The following NRP1 variants were observed in gnomAD, a reference collection of about 807,000 sequenced individuals.
NRP1 encodes the protein neuropilin-1.
Under a neutral mutation model 106.7 loss-of-function variants are expected in NRP1, and 35 were observed. The ratio of observed to expected loss-of-function variants is 0.33; its 90% CI spans 0.25 to 0.43. NRP1 has a LOEUF of 0.43. NRP1 is among the 20% of genes least tolerant of loss of function. The pLI is 1.00. For synonymous variants in NRP1, 437 were observed against 417.9 expected (o/e 1.05, Z -0.56); for missense variants, 1,024 against 1,170.4 (o/e 0.87, Z 1.83).
chr10:33,318,764 G>GT (rs1362447814), intron 2 of NRP1, among the ~76,000 whole-genome samples: 26 of 144,184 alleles, frequency 1.8e-4, no homozygotes, highest in African/African-American at 5.5e-4. Context: ...AGTTATCGTG[G>GT]TTTTGGTGGC....
intron 11 of NRP1, chr10:33,202,346 T>G: frequency 3.8e-6 from 1 of 266,358 alleles, no homozygotes; most frequent in Non-Finnish European, 7.2e-6. Context: ...TCTGATGCAT[T>G]TGCTGGTCGG....
Position 33,178,920 on chromosome 10 carries a change from T to C in NRP1, c.*1156A>G, listed in dbSNP as rs1206498137. The C allele has an allele frequency of 6.6e-6, 1 of 152,654 alleles. No individual in the cohort carries two copies. The highest frequency in any genetic ancestry group is 1.5e-5 in the Non-Finnish European group (1 of 68,044). 9.5% of individuals were successfully genotyped at this position (152,654 alleles called of 1,614,324 possible). On this transcript the variant is annotated 3_prime_UTR_variant, in exon 17 of 17. Coordinates refer to ENST00000374867, the MANE Select transcript of NRP1 (RefSeq NM_003873.7). ...TTTTTAAACATAAAGTCTAGTAAAATCGTTTGCCATTCCCAGCAGGTTAAA... is the reference window on the plus strand; with the variant it reads ...TTTTTAAACATAAAGTCTAGTAAAACCGTTTGCCATTCCCAGCAGGTTAAA...
At chr10:33,180,460 A>G in intron 16 of NRP1, 95 bp from the exon 17 acceptor site, 3 of 1,260,366 alleles carry the variant, frequency 2.4e-6, no homozygotes, top group South Asian at 3.0e-5. Flanking sequence ...GGAGCAAATC[A>G]CACACCCCAG....
chr10:33,212,820 G>A (rs191186932), intron 9 of NRP1: 41 of 166,210 alleles, frequency 2.5e-4, no homozygotes, highest in Non-Finnish European at 4.0e-4. Flanking sequence ...ACAGGCACAC[G>A]CTGCCACACC....
At chr10:33,329,572 G>C (rs184869997) in intron 2 of NRP1, among the ~76,000 whole-genome samples, 43 of 152,332 alleles carry the variant, frequency 2.8e-4, no homozygotes, top group African/African-American at 9.9e-4. Flanking sequence ...AGCGGTAGCA[G>C]TAGTCTGTAG....
chr10:33,272,466 A>C (rs759065767), intron 2 of NRP1, among the ~76,000 whole-genome samples: 5 of 152,136 alleles, frequency 3.3e-5, no homozygotes, highest in Non-Finnish European at 5.9e-5. Context: ...AATGCTTTGC[A>C]TGTTAAAAGA....
At chr10:33,302,084 T>TATAATAAAATATATA (rs1845841916) in intron 2 of NRP1, among the ~76,000 whole-genome samples, 1 of 152,102 alleles carries the variant, frequency 6.6e-6, no homozygotes, top group African/African-American at 2.4e-5. Context: ...AGAGTCTCTG[T>TATAATAAAATATATA]ATAATAAAAA....
chr10:33,197,596 G>T (rs757616580), intron 12 of NRP1, 54 bp downstream of exon 12: 2 of 1,417,442 alleles, frequency 1.4e-6, no homozygotes, highest in Non-Finnish European at 2.0e-6. Context: ...GAGCGCAGCC[G>T]CGGAGAGAAG....
rs1264457405 is a variant in NRP1 at position 33,207,703 on chromosome 10, T to C, written c.1628A>G (p.Asn543Ser). ...CAGCTCAGGTGTATCATAGTTGTTGTTGCCCTCAAAAGACTGTGAAGCATG... is the reference window on the plus strand; with the variant it reads ...CAGCTCAGGTGTATCATAGTTGTTGCTGCCCTCAAAAGACTGTGAAGCATG... ...SKRKAKSFEG[N>S]NNYDTPELRT... The change falls in exon 10 of 17, where the codon AAC (asparagine) becomes AGC (serine). Residue 543 changes from asparagine (N) to serine (S), a missense_variant. Asn to Ser is a conservative substitution (Grantham distance 46). Coordinates refer to ENST00000374867, the MANE Select transcript of NRP1 (RefSeq NM_003873.7). The C allele has an allele frequency of 6.2e-7, 1 of 1,613,948 alleles. No individual in the cohort carries two copies. Among genetic ancestry groups the C allele is most frequent in the Non-Finnish European group, 8.5e-7 (1 of 1,179,962 alleles).
intron 2 of NRP1, 61 bp downstream of exon 2, chr10:33,330,647 G>C: frequency 6.9e-7 from 1 of 1,440,854 alleles, no homozygotes; most frequent in East Asian, 2.4e-5. Flanking sequence ...CTTCCCCCCC[G>C]TAGACAGGCG....
In NRP1 at chr10:33,254,041, C is replaced by A. The variant is rs1427093763; in HGVS notation, c.968G>T (p.Arg323Leu). 2 of 1,609,820 alleles carry A rather than the reference C, an allele frequency of 1.2e-6. No homozygotes were observed. Among genetic ancestry groups the A allele is most frequent in the African/African-American group, 1.3e-5 (1 of 74,760 alleles). Residue 323 changes from arginine (R) to leucine (L), a missense_variant, in exon 6 of 17, where the codon CGA becomes CTA. Coordinates refer to ENST00000374867, the MANE Select transcript of NRP1 (RefSeq NM_003873.7). ...TATGCTGCATACCTGTATCCACTCTCGGTAGGAATCCTCTCCGGGAGTCCA... is the reference window on the plus strand; with the variant it reads ...TATGCTGCATACCTGTATCCACTCTAGGTAGGAATCCTCTCCGGGAGTCCA... Reference protein sequence around the residue: ...NGWTPGEDSYREWIQVDLGLL... With the variant: ...NGWTPGEDSYLEWIQVDLGLL...
chr10:33,305,764 T>A (rs570844757), intron 2 of NRP1, among the ~76,000 whole-genome samples: 1 of 151,560 alleles, frequency 6.6e-6, no homozygotes, highest in East Asian at 1.9e-4. Context: ...AAAAAAAATC[T>A]GTTCTTTTTT....
At chr10:33,187,910 A>G (rs1363012394) in intron 13 of NRP1, among the ~76,000 whole-genome samples, 1 of 152,148 alleles carries the variant, frequency 6.6e-6, no homozygotes, top group Non-Finnish European at 1.5e-5. Context: ...TGCTTATGTG[A>G]GAGCCCGCCC....
intron 2 of NRP1, among the ~76,000 whole-genome samples, chr10:33,276,331 C>T (rs1451671665): frequency 6.6e-6 from 1 of 151,820 alleles, no homozygotes; most frequent in African/African-American, 2.4e-5. Flanking sequence ...TTTTTTCTTC[C>T]CCCACCCACT....
At chr10:33,274,240 C>T (rs1006047867) in intron 2 of NRP1, among the ~76,000 whole-genome samples, 97 of 152,258 alleles carry the variant, frequency 6.4e-4, no homozygotes, top group African/African-American at 2.2e-3. Flanking sequence ...GCTTTAGAAT[C>T]CACGCTCCTC....
At position 33,177,632 on chromosome 10, in the gene NRP1, AG is replaced by A. The variant is rs1384325998; in HGVS notation, c.*2443del. 6.6e-6 allele frequency: 1 copy of A among 152,662 alleles called. No homozygotes were observed. The highest frequency in any genetic ancestry group is 1.5e-5 in the Non-Finnish European group (1 of 68,026). 9.5% of individuals were successfully genotyped at this position (152,662 alleles called of 1,614,324 possible). ...AGAATACAAATGTCATTTAAAGTTA[AG>A]GCTTCGCTGTTCATTTTGAAACAAC... is the stretch of plus-strand genomic sequence containing the variant. On this transcript the variant is annotated 3_prime_UTR_variant, in exon 17 of 17. Coordinates refer to ENST00000374867, the MANE Select transcript of NRP1 (RefSeq NM_003873.7).
At position 33,179,407 on chromosome 10, in the gene NRP1, G is replaced by GC. The variant is rs1391235062; in HGVS notation, c.*668dup. ...TTGTCAGCAGTATACCCAGTGGCCA[G>GC]CCGTGTTCAGGGATGGCACCGTTTT... On this transcript the variant is annotated 3_prime_UTR_variant, in exon 17 of 17. Coordinates refer to ENST00000374867, the MANE Select transcript of NRP1 (RefSeq NM_003873.7). 2 of 152,754 alleles carry GC rather than the reference G, an allele frequency of 1.3e-5. No homozygotes were observed. Among genetic ancestry groups the GC allele is most frequent in the African/African-American group, 4.8e-5 (2 of 41,436 alleles). The allele number at this position is 152,754 out of a possible 1,614,324, so 9.5% of individuals were successfully genotyped here. A position where few individuals can be genotyped will look rare whatever the true frequency, so the allele number is the denominator to read the frequency against.
At chr10:33,251,891 A>G (rs1350941146) in intron 6 of NRP1, among the ~76,000 whole-genome samples, 2 of 152,144 alleles carry the variant, frequency 1.3e-5, no homozygotes, top group Admixed American at 1.3e-4. Context: ...TAAATGGTAC[A>G]GAAGGGGGAA....
At chr10:33,294,784 C>T (rs905062336) in intron 2 of NRP1, among the ~76,000 whole-genome samples, 2 of 152,122 alleles carry the variant, frequency 1.3e-5, no homozygotes, top group African/African-American at 2.4e-5. Flanking sequence ...CAGAACTTCA[C>T]CTCTCTGGGC....
Sources: allele counts gnomAD v4.1 joint callset (sites outside exome capture counted in the v4.1 genomes callset), GRCh38; gene constraint gnomAD v4.1.1; transcripts MANE v1.5; gene names NCBI Gene and HGNC (gene_info 2026-07-23, HGNC 2026-07-21).